Variants in LRP1B observed in about 807,000 individuals in gnomAD.
LRP1B encodes the protein LDL receptor related protein 1B, also known as low-density lipoprotein receptor-related protein 1B.
In LRP1B, 217 loss-of-function variants were observed where a neutral mutation model predicts 556.6. The ratio of observed to expected loss-of-function variants is 0.39; its 90% CI spans 0.35 to 0.44. The LOEUF (loss-of-function observed/expected upper bound fraction) is 0.44, where lower values mean the gene tolerates loss of function less well. Ranked by LOEUF, LRP1B falls within the 20% of genes least tolerant of loss-of-function variation. The pLI is 1.00. For missense variants in LRP1B, 5,053 were observed against 5,620.8 expected, an observed-to-expected ratio of 0.90 and a Z score of 3.23; for synonymous variants, 2,047 against 1,865.8, an observed-to-expected ratio of 1.10 and a Z score of -2.50.
At chr2:140,327,794 T>C (rs781695284) in intron 79 of LRP1B, among the ~76,000 whole-genome samples, 39 of 152,170 alleles carry the variant, frequency 2.6e-4, no homozygotes, top group African/African-American at 5.1e-4. Flanking sequence ...GTGTCACATA[T>C]TGCATTGTTG....
intron 20 of LRP1B, among the ~76,000 whole-genome samples, chr2:140,925,054 A>G (rs1418311771): frequency 6.6e-6 from 1 of 152,158 alleles, no homozygotes; most frequent in Non-Finnish European, 1.5e-5. Context: ...TCATATTTAC[A>G]TTGTATTAGG....
At chr2:141,258,464 G>A (rs774770658) in intron 3 of LRP1B, among the ~76,000 whole-genome samples, 4 of 151,992 alleles carry the variant, frequency 2.6e-5, no homozygotes, top group Non-Finnish European at 4.4e-5. Context: ...TTGAGACTCC[G>A]CCTCAAAAAT....
At chr2:142,129,850 A>G (rs1439243120) in intron 1 of LRP1B, among the ~76,000 whole-genome samples, 1 of 152,092 alleles carries the variant, frequency 6.6e-6, no homozygotes, top group East Asian at 1.9e-4. Flanking sequence ...TTTCCAGATG[A>G]AAAGTTTATA....
At chr2:140,809,676 C>A (rs932753534) in intron 32 of LRP1B, among the ~76,000 whole-genome samples, 1 of 152,144 alleles carries the variant, frequency 6.6e-6, no homozygotes, top group African/African-American at 2.4e-5. Context: ...AAACTTAGCA[C>A]CATAAAACAT....
intron 1 of LRP1B, among the ~76,000 whole-genome samples, chr2:141,874,084 A>ATTTTTTTTTT (rs200281267): frequency 2.9e-5 from 3 of 103,138 alleles, no homozygotes; most frequent in African/African-American, 4.4e-5. Context: ...TGAACTAACA[A>ATTTTTTTTTT]TTTTTTTTTT....
At position 141,432,284 on chromosome 2, in the gene LRP1B, G is replaced by A. The variant is rs567320476; in HGVS notation, c.343+48112C>T. 9.9e-5 allele frequency among the ~76,000 whole-genome samples: 15 copies of A among 151,942 alleles called. No individual in the cohort carries two copies. The South Asian group carries it at 1.7e-3, about 17-fold the overall frequency. ...ATCTTAAACCAGCTTTGCATTTCTC[G>A]AATCCCATTTGGTCCTGGTATATAA... On this transcript the variant is annotated intron_variant, in intron 3 of 90. Coordinates refer to ENST00000389484, the MANE Select transcript of LRP1B (RefSeq NM_018557.3).
intron 2 of LRP1B, among the ~76,000 whole-genome samples, chr2:141,665,810 G>C (rs1459352884): frequency 6.6e-6 from 1 of 152,104 alleles, no homozygotes; most frequent in African/African-American, 2.4e-5. Context: ...ATTATCCTCA[G>C]CAAACAAACT....
intron 80 of LRP1B, 92 bp from the exon 81 acceptor site, chr2:140,324,158 TTACTGTTTAAAAA>T (rs1366610642): frequency 1.4e-6 from 1 of 697,692 alleles, no homozygotes. Flanking sequence ...GAAAACCTTA[TTACTGTTTAAAAA>T]TAAACTTTCA....
chr2:141,360,379 T>C (rs1396113667), intron 3 of LRP1B, among the ~76,000 whole-genome samples: 1 of 152,242 alleles, frequency 6.6e-6, no homozygotes, highest in Non-Finnish European at 1.5e-5. Flanking sequence ...AGAATTATCT[T>C]GCAGGAATAC....
intron 1 of LRP1B, among the ~76,000 whole-genome samples, chr2:141,996,532 A>AT (rs546280641): frequency 1.4e-4 from 22 of 152,324 alleles, no homozygotes; most frequent in African/African-American, 5.1e-4. Flanking sequence ...AACTGTAGCC[A>AT]TTGAGAGCCT....
chr2:141,584,244 CA>C (rs1687052701), intron 2 of LRP1B, among the ~76,000 whole-genome samples: 1 of 141,594 alleles, frequency 7.1e-6, no homozygotes, highest in Non-Finnish European at 1.5e-5. Flanking sequence ...GACCTTGTCT[CA>C]AAAAAGAAAA....
At chr2:141,852,817 A>T (rs1410277888) in intron 1 of LRP1B, among the ~76,000 whole-genome samples, 6 of 151,754 alleles carry the variant, frequency 4.0e-5, no homozygotes, top group Non-Finnish European at 8.9e-5. Context: ...ACAAAAAATT[A>T]AAAATGCCAA....
Position 141,254,596 on chromosome 2 carries a change from G to A in LRP1B, c.389C>T (p.Thr130Ile), listed in dbSNP as rs1289557485. ...CQQLNCQYKC[T>I]MVRNSTRCYC... ...ACATCTTGTACTATTTCTGACCATT[G>A]TACATTTATACTGACAATTCAGCTG... The change falls in exon 4 of 91, where the codon ACA becomes ATA. Residue 130 changes from threonine (T) to isoleucine (I), a missense_variant. This residue lies in a region of LRP1B where 3,619 missense variants were observed against 3,931.9 expected (regional missense o/e 0.92). Transcript: ENST00000389484. The A allele has an allele frequency of 2.5e-6, 4 of 1,611,050 alleles. No individual in the cohort carries two copies. In the African/African-American group the frequency reaches 5.4e-5, roughly 22 times the overall value.
intron 31 of LRP1B, among the ~76,000 whole-genome samples, chr2:140,826,596 T>C (rs2105065449): frequency 6.6e-6 from 1 of 152,198 alleles, no homozygotes; most frequent in East Asian, 1.9e-4. Context: ...GTAAGAGAAA[T>C]GGGCCTTTCG....
chr2:140,546,780 T>C (rs112258470), intron 43 of LRP1B, among the ~76,000 whole-genome samples: 5,127 of 152,252 alleles, frequency 0.034, 115 homozygotes, highest in African/African-American at 0.062. Flanking sequence ...GCCTATTCAG[T>C]ATGATGTTGG....
At chr2:141,477,155 A>C (rs1682742539) in intron 3 of LRP1B, among the ~76,000 whole-genome samples, 1 of 111,196 alleles carries the variant, frequency 9.0e-6, no homozygotes, top group African/African-American at 3.0e-5. Flanking sequence ...AAAAACCCCA[A>C]AAAACAAACA....
intron 27 of LRP1B, among the ~76,000 whole-genome samples, chr2:140,852,758 A>C (rs548759965): frequency 6.6e-6 from 1 of 152,202 alleles, no homozygotes; most frequent in South Asian, 2.1e-4. Context: ...CAGAATATTA[A>C]ATTTTGCAGC....
At chr2:141,197,618 C>A (rs947926168) in intron 6 of LRP1B, among the ~76,000 whole-genome samples, 8 of 152,128 alleles carry the variant, frequency 5.3e-5, no homozygotes, top group Admixed American at 6.5e-5. Flanking sequence ...GATGTCTATT[C>A]AGTATTTGAA....
intron 2 of LRP1B, among the ~76,000 whole-genome samples, chr2:141,723,826 G>A (rs112309644): frequency 0.013 from 1,945 of 151,396 alleles, 42 homozygotes; most frequent in African/African-American, 0.044. Context: ...CAGAAATGTC[G>A]TAAAATATAA....
Sources: gnomAD v4.1 joint callset for allele counts (sites outside exome capture counted in the v4.1 genomes callset) on GRCh38, gnomAD v4.1.1 for gene constraint, gnomAD v4.1.1 regional missense constraint, MANE v1.5 for transcripts, NCBI Gene and HGNC (gene_info 2026-07-23, HGNC 2026-07-21) for gene names.